Variants in MILR1 observed in about 807,000 individuals in gnomAD.
The protein encoded by MILR1 is mast cell immunoglobulin like receptor 1, also known as allergin-1.
Under a neutral mutation model 18.5 loss-of-function variants are expected in MILR1, and 31 were observed. The observed-to-expected ratio is 1.68, with a 90% CI of 1.26 to 2.26. The LOEUF (loss-of-function observed/expected upper bound fraction) is 2.26, where lower values mean the gene tolerates loss of function less well. Ranked by LOEUF, MILR1 falls within the 30% of genes most tolerant of loss-of-function variation. MILR1 has a pLI of 0.00. For missense variants in MILR1, 257 were observed against 157.4 expected (o/e 1.63, Z -3.38); for synonymous variants, 85 against 56.2 (o/e 1.51, Z -2.30).
chr17:64,496,888 C>T, the MILR1 span: 1 of 1,613,346 alleles, frequency 6.2e-7, no homozygotes, highest in Non-Finnish European at 8.5e-7. Context: ...CCGGCTGCCC[C>T]GCATCTACTC....
At chr17:64,453,536 C>CTTTTTTTTTT (rs35572128) in intron 3 of MILR1, among the ~76,000 whole-genome samples, 3 of 101,038 alleles carry the variant, frequency 3.0e-5, no homozygotes, top group African/African-American at 1.1e-4. Context: ...GCAAAAATCG[C>CTTTTTTTTTT]TTTTTTTTTT....
chr17:64,493,360 T>G, the MILR1 span, among the ~76,000 whole-genome samples: 6 of 152,052 alleles, frequency 3.9e-5, no homozygotes, highest in Non-Finnish European at 8.8e-5. Context: ...AAGGTTGCAG[T>G]GAGCTGGGAT....
intron 6 of MILR1, among the ~76,000 whole-genome samples, 162 bp downstream of exon 6, chr17:64,465,703 T>A (rs184882425): frequency 2.6e-5 from 4 of 152,218 alleles, no homozygotes; most frequent in African/African-American, 4.8e-5. Context: ...ACCAGTTTTT[T>A]AAATCCTTCC....
chr17:64,481,660 G>A, the MILR1 span, among the ~76,000 whole-genome samples: 2 of 152,066 alleles, frequency 1.3e-5, no homozygotes, highest in African/African-American at 4.8e-5. Flanking sequence ...ATCACTTGAG[G>A]TCAGGAGTTG....
the MILR1 span, among the ~76,000 whole-genome samples, chr17:64,497,343 C>T: frequency 9.0e-4 from 137 of 152,370 alleles, no homozygotes; most frequent in East Asian, 0.012. Context: ...TAAAATACTT[C>T]AGTATTATCC....
chr17:64,465,782 A>G (rs2037542539), intron 6 of MILR1, among the ~76,000 whole-genome samples: 1 of 152,070 alleles, frequency 6.6e-6, no homozygotes, highest in Non-Finnish European at 1.5e-5. Flanking sequence ...GACTTTCTAC[A>G]CCATGATTTT....
chr17:64,459,260 C>T lies in MILR1; in HGVS notation c.653-1562C>T, dbSNP rs1225408014. 3.3e-5 allele frequency among the ~76,000 whole-genome samples: 5 copies of T among 152,078 alleles called. No individual in the cohort carries two copies. In the East Asian group the frequency reaches 7.8e-4, roughly 24 times the overall value. Reference sequence around the variant, plus strand: ...CCAGCCTGGGTAACATGGCAAAACCCCTGTCTCTACAGAAAATAAAAAAAT... The same window carrying T: ...CCAGCCTGGGTAACATGGCAAAACCTCTGTCTCTACAGAAAATAAAAAAAT... On this transcript the variant is annotated intron_variant, in intron 4 of 9. Transcript: ENST00000619286.
At chr17:64,474,099 GA>G in the MILR1 span, among the ~76,000 whole-genome samples, 1 of 152,060 alleles carries the variant, frequency 6.6e-6, no homozygotes, top group Non-Finnish European at 1.5e-5. Flanking sequence ...TTTGGAGATG[GA>G]GTCTCACCCT....
At chr17:64,476,195 T>C in the MILR1 span, among the ~76,000 whole-genome samples, 1 of 152,160 alleles carries the variant, frequency 6.6e-6, no homozygotes, top group Non-Finnish European at 1.5e-5. Context: ...CATAAATGTA[T>C]GTATCTGTCA....
intron 4 of MILR1, among the ~76,000 whole-genome samples, chr17:64,459,175 G>A (rs2037367834): frequency 1.3e-5 from 2 of 152,212 alleles, no homozygotes; most frequent in African/African-American, 4.8e-5. Context: ...GCTCACACCT[G>A]TAATTCCAGC....
intron 4 of MILR1, 127 bp from the exon 5 acceptor site, chr17:64,460,694 AT>A (rs2037411693): frequency 7.4e-6 from 3 of 404,990 alleles, no homozygotes; most frequent in East Asian, 3.5e-5. Context: ...TGTCATGACC[AT>A]TTGGGAACCT....
intron 6 of MILR1, 65 bp downstream of exon 6, chr17:64,465,606 T>G: frequency 6.6e-7 from 1 of 1,524,100 alleles, no homozygotes; most frequent in Non-Finnish European, 8.9e-7. Flanking sequence ...TTGTTAAGGT[T>G]GTACAGACAT....
At chr17:64,497,303 C>T in the MILR1 span, among the ~76,000 whole-genome samples, 2 of 152,252 alleles carry the variant, frequency 1.3e-5, no homozygotes, top group African/African-American at 4.8e-5. Flanking sequence ...GAGTCACTTC[C>T]TTCTGCCACT....
the MILR1 span, among the ~76,000 whole-genome samples, chr17:64,496,202 ATTGT>A: frequency 9.2e-5 from 14 of 152,206 alleles, no homozygotes; most frequent in Non-Finnish European, 1.3e-4. Flanking sequence ...CTTCGGACAG[ATTGT>A]TTAAGGAACA....
the MILR1 span, among the ~76,000 whole-genome samples, chr17:64,497,329 A>T: frequency 2.6e-4 from 39 of 152,394 alleles, no homozygotes; most frequent in African/African-American, 9.1e-4. Context: ...GCAGTCCAGA[A>T]AATTAAAATA....
At chr17:64,454,947 G>T (rs1354659111) in intron 3 of MILR1, among the ~76,000 whole-genome samples, 1 of 152,176 alleles carries the variant, frequency 6.6e-6, no homozygotes, top group Non-Finnish European at 1.5e-5. Flanking sequence ...GCTGCAGTGA[G>T]CTGTGATTGC....
the MILR1 span, chr17:64,490,423 AG>A: frequency 3.9e-6 from 1 of 258,026 alleles, no homozygotes; most frequent in African/African-American, 2.3e-5. Flanking sequence ...GACAGATCCC[AG>A]CCAAGGCATA....
the MILR1 span, among the ~76,000 whole-genome samples, chr17:64,475,428 C>T: frequency 6.6e-6 from 1 of 151,880 alleles, no homozygotes; most frequent in Non-Finnish European, 1.5e-5. Flanking sequence ...GCGGGCGGAT[C>T]ACCTGAGGTC....
intron 2 of MILR1, among the ~76,000 whole-genome samples, chr17:64,450,842 A>G (rs1481256499): frequency 4.6e-5 from 7 of 152,136 alleles, no homozygotes; most frequent in Non-Finnish European, 1.0e-4. Flanking sequence ...TCGTTTAACC[A>G]TCCTTATTTA....
Sources: allele counts gnomAD v4.1 joint callset (sites outside exome capture counted in the v4.1 genomes callset), GRCh38; gene constraint gnomAD v4.1.1; transcripts MANE v1.5; gene names NCBI Gene and HGNC (gene_info 2026-07-23, HGNC 2026-07-21).